Variants in TEPSIN observed in about 807,000 individuals in gnomAD.
The protein encoded by TEPSIN is AP-4 complex accessory subunit tepsin.
A neutral mutation model predicts 48.5 loss-of-function variants in TEPSIN; 50 were observed. The observed-to-expected ratio is 1.03, with a 90% CI of 0.82 to 1.31. TEPSIN has a LOEUF of 1.31. Ranked by LOEUF, TEPSIN falls within the 50% of genes most tolerant of loss-of-function variation. The pLI is 0.00. For missense variants in TEPSIN, 838 were observed against 815.9 expected (o/e 1.03, Z -0.33); for synonymous variants, 392 against 358.8 (o/e 1.09, Z -1.05).
Position 81,233,817 on chromosome 17 carries a change from C to G in TEPSIN, c.376-101G>C. On this transcript the variant is annotated intron_variant, in intron 5 of 12. Coordinates refer to ENST00000637944, the MANE Select transcript of TEPSIN (RefSeq NM_001363764.2). The surrounding 1 kb of genome is among the most constrained non-coding windows in gnomAD (Gnocchi z 5.8). Reference sequence around the variant, plus strand: ...CCGTTCTGTCCCCCGGACACTTCTCCTGAGCCACTCAGCTGGACACAGGCT... The same window carrying G: ...CCGTTCTGTCCCCCGGACACTTCTCGTGAGCCACTCAGCTGGACACAGGCT... The G allele has an allele frequency of 7.1e-7, 1 of 1,401,816 alleles. No individual in the cohort carries two copies. The highest frequency in any genetic ancestry group is 1.4e-5 in the South Asian group (1 of 72,350). The allele number at this position is 1,401,816 out of a possible 1,614,324, so 86.8% of individuals were successfully genotyped here.
In TEPSIN at chr17:81,230,634, G is replaced by A. The variant is rs745478664; in HGVS notation, c.1143C>T (p.Leu381=). ...AIASLGSSDL[L]PQEHILLRTR... ...TGCGGAGGAGGATGTGCTCCTGGGG[G>A]AGGAGGTCGCTGCTCCCCAGGGAGG... Residue 381 remains leucine, a synonymous_variant, in exon 12 of 13, where the codon CTC becomes CTT. Transcript: ENST00000637944. The surrounding 1 kb of genome is among the most constrained non-coding windows in gnomAD (Gnocchi z 4.2). 6.3e-6 allele frequency: 10 copies of A among 1,595,290 alleles called. No individual in the cohort carries two copies. The South Asian group carries it at 7.9e-5, about 13-fold the overall frequency.
At chr17:81,231,247 A>C (rs1254359363) in intron 11 of TEPSIN, 151 bp downstream of exon 11, 8 of 773,270 alleles carry the variant, frequency 1.0e-5, no homozygotes, top group Non-Finnish European at 1.6e-5. Flanking sequence ...CCACACGCAC[A>C]CACACAGGCA....
At chr17:81,236,046 A>G (rs1407194034) in intron 4 of TEPSIN, among the ~76,000 whole-genome samples, 1 of 152,130 alleles carries the variant, frequency 6.6e-6, no homozygotes, top group Non-Finnish European at 1.5e-5. Flanking sequence ...GGGTCCAGAC[A>G]TGGTGCGCCC....
At position 81,231,595 on chromosome 17, in the gene TEPSIN, T is replaced by C. The variant is rs1333265598; in HGVS notation, c.1002A>G (p.Ala334=). The change falls in exon 10 of 13, where the codon GCA becomes GCG. Residue 334 remains alanine, a synonymous_variant. Coordinates refer to ENST00000637944, the MANE Select transcript of TEPSIN (RefSeq NM_001363764.2). ...GCACTCACGCTTTGATGAAGTGCTG[T>C]GCCTCCTCGCGGCTCAGGAAGGCGC... ...GPRAFLSREE[A]QHFIKACGLL... 6.2e-7 allele frequency: 1 copy of C among 1,612,756 alleles called. No homozygotes were observed. The highest frequency in any genetic ancestry group is 1.7e-5 in the Admixed American group (1 of 59,962).
At chr17:81,238,883 G>C in intron 1 of TEPSIN, 103 bp downstream of exon 1, 1 of 1,365,290 alleles carries the variant, frequency 7.3e-7, no homozygotes, top group South Asian at 1.7e-5. Context: ...GCTACCCGGC[G>C]CGGAGACGCA....
At position 81,229,008 on chromosome 17, in the gene TEPSIN, G is replaced by C. The variant is rs779676911; in HGVS notation, c.1702C>G (p.Pro568Ala). The change falls in exon 13 of 13, where the codon CCC (proline) becomes GCC (alanine). Residue 568 changes from proline (P) to alanine (A), a missense_variant. Transcript: ENST00000637944. ...GCTGTCCTCTGGGACGATGTTTGGG[G>C]GGCGCGGGGAGCATCAGGACAGGAC... Reference protein sequence around the residue: ...GESCPDAPRAPQTSSQRTAAK... With the variant: ...GESCPDAPRAAQTSSQRTAAK... 4.3e-5 allele frequency: 70 copies of C among 1,613,538 alleles called. No homozygotes were observed. Among genetic ancestry groups the C allele is most frequent in the Non-Finnish European group, 5.6e-5 (66 of 1,180,020 alleles).
rs762112526 is a variant in TEPSIN, at chr17:81,230,673, C to A, written c.1104G>T (p.Ala368=). The change falls in exon 12 of 13, where the codon GCG becomes GCT. Residue 368 remains alanine, a synonymous_variant. Transcript: ENST00000637944. The surrounding 1 kb of genome is among the most constrained non-coding windows in gnomAD (Gnocchi z 4.2). ...TCCCCAGGGAGGCGATGGCACACAG[C>A]GCCCTCTGCGGGTGAAGGGAGGGGA... is the stretch of plus-strand genomic sequence containing the variant. The part of the protein sequence containing the change: ...RGTSECTQLR[A]LCAIASLGSS... The A allele has an allele frequency of 1.3e-6, 2 of 1,547,328 alleles. No individual in the cohort carries two copies. Among genetic ancestry groups the A allele is most frequent in the East Asian group, 2.4e-5 (1 of 41,712 alleles).
chr17:81,235,316 C>T (rs1477274279), intron 4 of TEPSIN, among the ~76,000 whole-genome samples: 2 of 152,174 alleles, frequency 1.3e-5, no homozygotes, highest in Non-Finnish European at 2.9e-5. Flanking sequence ...TGACGCTCTG[C>T]GCGCGTGGGG....
In TEPSIN at chr17:81,230,973, CAG is replaced by C; in HGVS notation, c.1099-297_1099-296del. On this transcript the variant is annotated intron_variant, in intron 11 of 12. Coordinates refer to ENST00000637944, the MANE Select transcript of TEPSIN (RefSeq NM_001363764.2). The surrounding 1 kb of genome is among the most constrained non-coding windows in gnomAD (Gnocchi z 4.2). ...AGCCATGTCCTCCCCGGCTCCTGGA[CAG>C]ACCCCAGCGAGAAGCACGTGACCTG... 7.8e-6 allele frequency: 4 copies of C among 514,316 alleles called. No individual in the cohort carries two copies. Among genetic ancestry groups the C allele is most frequent in the Non-Finnish European group, 1.0e-5 (3 of 290,988 alleles). 31.9% of individuals were successfully genotyped at this position (514,316 alleles called of 1,614,324 possible).
At chr17:81,237,344 C>A in intron 2 of TEPSIN, 43 bp downstream of exon 2, 1 of 1,593,326 alleles carries the variant, frequency 6.3e-7, no homozygotes, top group Non-Finnish European at 8.6e-7. Context: ...TGGGACCCTG[C>A]CATCCGCTCT....
chr17:81,229,061 A>G lies in TEPSIN; in HGVS notation c.1649T>C (p.Leu550Pro), dbSNP rs781002614. Residue 550 changes from leucine (L) to proline (P), a missense_variant, in exon 13 of 13, where the codon CTG becomes CCG. Transcript: ENST00000637944. The part of the protein sequence containing the change: ...AGMELVACPR[L>P]VGAGAAAGES... ...TCCCGCAGCAGCCCCAGCCCCCACCAGGCGGGGACAGGCCACCAGCTCCAT... is the reference window on the plus strand; with the variant it reads ...TCCCGCAGCAGCCCCAGCCCCCACCGGGCGGGGACAGGCCACCAGCTCCAT... The G allele has an allele frequency of 6.2e-7, 1 of 1,613,460 alleles. No homozygotes were observed. Among genetic ancestry groups the G allele is most frequent in the East Asian group, 2.2e-5 (1 of 44,880 alleles).
At position 81,237,898 on chromosome 17, in the gene TEPSIN, G is replaced by A. The variant is rs558658937; in HGVS notation, c.49-439C>T. The A allele has an allele frequency of 4.6e-6, 4 of 872,944 alleles. No individual in the cohort carries two copies. In the South Asian group the frequency reaches 1.3e-4, roughly 29 times the overall value. The allele number at this position is 872,944 out of a possible 1,614,324, so 54.1% of individuals were successfully genotyped here. ...CAGAGGCCGGAATGGCAGAGTGACA[G>A]CCGCTCAGCGTGACTAGCTCCATCG... On this transcript the variant is annotated intron_variant, in intron 1 of 12. Transcript: ENST00000637944.
In TEPSIN at chr17:81,230,480, C is replaced by T. The variant is rs2062569527; in HGVS notation, c.1233+64G>A. ...CGGGCAGGGACGGGGTGGCCGTGGA[C>T]TGCAGCGTATCTCCCACTGTACCCT... On this transcript the variant is annotated intron_variant, in intron 12 of 12. Transcript: ENST00000637944. The surrounding 1 kb of genome is among the most constrained non-coding windows in gnomAD (Gnocchi z 4.2). 6.3e-7 allele frequency: 1 copy of T among 1,589,294 alleles called. No individual in the cohort carries two copies. The highest frequency in any genetic ancestry group is 1.3e-5 in the African/African-American group (1 of 74,120).
At position 81,228,834 on chromosome 17, in the gene TEPSIN, G is replaced by A; in HGVS notation, c.*94C>T. 6.7e-7 allele frequency: 1 copy of A among 1,483,306 alleles called. No individual in the cohort carries two copies. Among genetic ancestry groups the A allele is most frequent in the African/African-American group, 1.4e-5 (1 of 71,234 alleles). 91.9% of individuals were successfully genotyped at this position (1,483,306 alleles called of 1,614,324 possible). On this transcript the variant is annotated 3_prime_UTR_variant, in exon 13 of 13. Coordinates refer to ENST00000637944, the MANE Select transcript of TEPSIN (RefSeq NM_001363764.2). ...GTCGTCCTCTCAAGTCAAGCTGCCT[G>A]GAGACTGTAGCAGCTACGGTTGAGG...
In TEPSIN at chr17:81,228,754, C is replaced by T; in HGVS notation, c.*174G>A. The T allele has an allele frequency of 1.3e-6, 1 of 782,262 alleles. No individual in the cohort carries two copies. Among genetic ancestry groups the T allele is most frequent in the Non-Finnish European group, 2.0e-6 (1 of 491,648 alleles). 48.5% of individuals were successfully genotyped at this position (782,262 alleles called of 1,614,324 possible). A position where few individuals can be genotyped will look rare whatever the true frequency, so the allele number is the denominator to read the frequency against. On this transcript the variant is annotated 3_prime_UTR_variant, in exon 13 of 13. Coordinates refer to ENST00000637944, the MANE Select transcript of TEPSIN (RefSeq NM_001363764.2). Reference sequence around the variant, plus strand: ...TGCCATCCCTCGTAGGGATTCAAGTCCAAATAGCCAGAGCCTCTGGCAGAG... The same window carrying T: ...TGCCATCCCTCGTAGGGATTCAAGTTCAAATAGCCAGAGCCTCTGGCAGAG...
Position 81,233,315 on chromosome 17 carries a change from G to A in TEPSIN, c.526+117C>T, listed in dbSNP as rs935271532. The A allele has an allele frequency of 5.4e-5, 67 of 1,236,488 alleles. No homozygotes were observed. Among genetic ancestry groups the A allele is most frequent in the Non-Finnish European group, 7.0e-5 (63 of 896,144 alleles). 76.6% of individuals were successfully genotyped at this position (1,236,488 alleles called of 1,614,324 possible). A position where few individuals can be genotyped will look rare whatever the true frequency, so the allele number is the denominator to read the frequency against. ...CAGCCCCAGGAAGGGTTGAGGCCAT[G>A]TAGGGGAGGGGACGGGGGACAGCAG... On this transcript the variant is annotated intron_variant, in intron 7 of 12. Coordinates refer to ENST00000637944, the MANE Select transcript of TEPSIN (RefSeq NM_001363764.2). The surrounding 1 kb of genome is among the most constrained non-coding windows in gnomAD (Gnocchi z 5.8).
Position 81,234,366 on chromosome 17 carries a change from A to G in TEPSIN, c.308-318T>C. The stretch of plus-strand genomic sequence containing the variant: ...CCACTCTCCCTGCCCCAGGTGCACC[A>G]GGGACCCCTCAGAGGCTTCCGGGGC... On this transcript the variant is annotated intron_variant, in intron 4 of 12. Coordinates refer to ENST00000637944, the MANE Select transcript of TEPSIN (RefSeq NM_001363764.2). The surrounding 1 kb of genome is among the most constrained non-coding windows in gnomAD (Gnocchi z 5.4). 1 of 277,864 alleles carries G rather than the reference A, an allele frequency of 3.6e-6. No individual in the cohort carries two copies. The highest frequency in any genetic ancestry group is 1.0e-3 in the Middle Eastern group (1 of 982). 17.2% of individuals were successfully genotyped at this position (277,864 alleles called of 1,614,324 possible). A position where few individuals can be genotyped will look rare whatever the true frequency, so the allele number is the denominator to read the frequency against.
In TEPSIN at chr17:81,229,177, C is replaced by A. The variant is rs766533886; in HGVS notation, c.1533G>T (p.Arg511=). 4.3e-6 allele frequency: 7 copies of A among 1,611,720 alleles called. No homozygotes were observed. Among genetic ancestry groups the A allele is most frequent in the South Asian group, 2.2e-5 (2 of 90,894 alleles). Residue 511 remains arginine (R), a synonymous_variant, in exon 13 of 13, where the codon CGG becomes CGT. Coordinates refer to ENST00000637944, the MANE Select transcript of TEPSIN (RefSeq NM_001363764.2). ...CCCCTGGGATCCGTTCAGGTCTCCA[C>A]CGCCTGCTTTCTGCCAGTCTGGCCT... The part of the protein sequence containing the change: ...EAEARLAESR[R]WRPERIPGGT...
chr17:81,238,932 C>T lies in TEPSIN; in HGVS notation c.48+54G>A, dbSNP rs1423356224. 1.1e-5 allele frequency: 16 copies of T among 1,402,342 alleles called. No individual in the cohort carries two copies. The East Asian group carries it at 4.6e-4, about 40-fold the overall frequency. The allele number at this position is 1,402,342 out of a possible 1,614,324, so 86.9% of individuals were successfully genotyped here. On this transcript the variant is annotated intron_variant, in intron 1 of 12. Coordinates refer to ENST00000637944, the MANE Select transcript of TEPSIN (RefSeq NM_001363764.2). The stretch of plus-strand genomic sequence containing the variant: ...CGGCCCGGGGCGAGTCCGGGGAATG[C>T]GGCGCTCGAGAGGAGCCGTGGGACC...
Sources: gnomAD v4.1 joint callset for allele counts (sites outside exome capture counted in the v4.1 genomes callset) on GRCh38, gnomAD v4.1.1 for gene constraint, Gnocchi (gnomAD v3.1) non-coding constraint, MANE v1.5 for transcripts, NCBI Gene and HGNC (gene_info 2026-07-23, HGNC 2026-07-21) for gene names.